RP9: variants seen among roughly 807,000 people sequenced by gnomAD.
RP9 encodes RP9 pre-mRNA splicing factor, also known as retinitis pigmentosa 9 protein.
A neutral mutation model predicts 32.6 loss-of-function variants in RP9; 23 were observed. The ratio of observed to expected loss-of-function variants is 0.71; its 90% CI spans 0.51 to 1.00. The LOEUF is 1.00. Ranked by LOEUF, RP9 falls within the 50% of genes least tolerant of loss-of-function variation. RP9 has a pLI of 0.00. For missense variants in RP9, 245 were observed against 285.3 expected (o/e 0.86, Z 1.02); for synonymous variants, 94 against 103.6 (o/e 0.91, Z 0.56).
At chr7:33,104,907 T>C (rs1386089459) in intron 1 of RP9, among the ~76,000 whole-genome samples, 1 of 152,204 alleles carries the variant, frequency 6.6e-6, no homozygotes, top group African/African-American at 2.4e-5. Context: ...CCTGTAATTT[T>C]ATACCTAGTC....
intron 1 of RP9, among the ~76,000 whole-genome samples, chr7:33,106,695 C>T (rs1262743417): frequency 4.6e-5 from 7 of 152,126 alleles, no homozygotes; most frequent in Non-Finnish European, 8.8e-5. Flanking sequence ...CCTATAATCC[C>T]AGCACTTTGG....
Position 33,095,141 on chromosome 7 carries a change from C to T in RP9, c.*93G>A, listed in dbSNP as rs1195910689. The stretch of plus-strand genomic sequence containing the variant: ...CTGTGACCCACATATACTCCTCTCT[C>T]GGCGTCTCTATCCTGCTGCTTTCTC... On this transcript the variant is annotated 3_prime_UTR_variant, in exon 6 of 6. Coordinates refer to ENST00000297157, the MANE Select transcript of RP9 (RefSeq NM_203288.2). The T allele has an allele frequency of 6.6e-5, 98 of 1,493,636 alleles. No homozygotes were observed. The highest frequency in any genetic ancestry group is 1.1e-4 in the East Asian group (5 of 44,126). The allele number at this position is 1,493,636 out of a possible 1,614,324, so 92.5% of individuals were successfully genotyped here.
At chr7:33,101,568 C>T (rs1039399428) in intron 1 of RP9, among the ~76,000 whole-genome samples, 2 of 151,188 alleles carry the variant, frequency 1.3e-5, no homozygotes, top group African/African-American at 4.9e-5. Context: ...CACCATTGCA[C>T]TCCAGCCTGG....
Position 33,099,048 on chromosome 7 carries a change from T to C in RP9, c.313+259A>G, listed in dbSNP as rs1353449518. On this transcript the variant is annotated intron_variant, in intron 3 of 5. Transcript: ENST00000297157. The stretch of plus-strand genomic sequence containing the variant: ...CTGGTTTTCTCATTCATTCTGTAGG[T>C]TGGAAATCTGAGATCAGGGTCCCAG... The C allele has an allele frequency of 4.3e-5, 24 of 557,258 alleles. No individual in the cohort carries two copies. The East Asian group carries it at 6.6e-4, about 15-fold the overall frequency. 34.5% of individuals were successfully genotyped at this position (557,258 alleles called of 1,614,324 possible).
intron 5 of RP9, 122 bp from the exon 6 acceptor site, chr7:33,095,554 ATT>A (rs1184040272): frequency 6.7e-6 from 10 of 1,493,692 alleles, no homozygotes; most frequent in African/African-American, 1.4e-5. Context: ...CAAAGACAGT[ATT>A]TTTATTTTTA....
At chr7:33,097,974 T>C (rs1208433070) in intron 3 of RP9, among the ~76,000 whole-genome samples, 10 of 152,216 alleles carry the variant, frequency 6.6e-5, no homozygotes, top group Non-Finnish European at 1.3e-4. Context: ...GAGTAAATGT[T>C]TTCATAAAGT....
At chr7:33,106,598 A>C (rs183405134) in intron 1 of RP9, among the ~76,000 whole-genome samples, 1 of 152,362 alleles carries the variant, frequency 6.6e-6, no homozygotes, top group East Asian at 1.9e-4. Flanking sequence ...ACAAGAAGTT[A>C]AGAGGTATGT....
intron 1 of RP9, among the ~76,000 whole-genome samples, chr7:33,107,196 C>A (rs768127621): frequency 1.3e-5 from 2 of 152,186 alleles, no homozygotes; most frequent in African/African-American, 4.8e-5. Flanking sequence ...AATGTCTCAA[C>A]GGCTCATTCA....
intron 3 of RP9, among the ~76,000 whole-genome samples, chr7:33,097,829 A>C (rs538875114): frequency 1.2e-3 from 189 of 152,230 alleles, no homozygotes; most frequent in African/African-American, 3.8e-3. Context: ...CATGTTGCCC[A>C]GGCTGGTCTT....
intron 3 of RP9, 93 bp from the exon 4 acceptor site, chr7:33,097,455 A>C (rs1261243564): frequency 1.1e-6 from 1 of 890,878 alleles, no homozygotes; most frequent in Non-Finnish European, 1.8e-6. Context: ...TTTCTTCATT[A>C]AACTCTAATT....
intron 2 of RP9, 40 bp downstream of exon 2, chr7:33,100,491 T>G: frequency 6.6e-7 from 1 of 1,525,950 alleles, no homozygotes; most frequent in South Asian, 1.1e-5. Context: ...TCTACAAGTA[T>G]GTCTTGTGGA....
At chr7:33,096,683 A>G in intron 4 of RP9, 129 bp from the exon 5 acceptor site, 2 of 749,064 alleles carry the variant, frequency 2.7e-6, no homozygotes, top group Non-Finnish European at 2.4e-6. Context: ...CATGTTCAAC[A>G]TGTTCTAGGT....
intron 1 of RP9, among the ~76,000 whole-genome samples, chr7:33,108,281 G>A (rs1254143642): frequency 6.6e-6 from 1 of 152,196 alleles, no homozygotes; most frequent in Admixed American, 6.5e-5. Context: ...TCACGGACAA[G>A]AACTGAAAGA....
chr7:33,095,247 G>C lies in RP9; in HGVS notation c.653C>G (p.Ser218Cys), dbSNP rs1788312895. The change falls in exon 6 of 6, where the codon TCT becomes TGT. Residue 218 changes from serine (S) to cysteine (C), a missense_variant. This residue lies in a region of RP9 where 63 missense variants were observed against 109.8 expected (regional missense o/e 0.57). Coordinates refer to ENST00000297157, the MANE Select transcript of RP9 (RefSeq NM_203288.2). ...GTCACATCCTTGTCACTCTGAGTCA[G>C]AACCCTCATTTGACTTGGAAGATTT... ...KHKSSKSNEG[S>C]DSE 1 of 1,611,072 alleles carries C rather than the reference G, an allele frequency of 6.2e-7. No homozygotes were observed.
At chr7:33,100,594 T>C (rs761220604) in intron 1 of RP9, 33 bp from the exon 2 acceptor site, 7 of 1,593,092 alleles carry the variant, frequency 4.4e-6, no homozygotes, top group South Asian at 1.1e-5. Context: ...TTATCAACCA[T>C]GTTAATGTAA....
chr7:33,095,009 G>A lies in RP9; in HGVS notation c.*225C>T. The A allele has an allele frequency of 1.8e-6, 1 of 565,690 alleles. No individual in the cohort carries two copies. Among genetic ancestry groups the A allele is most frequent in the Non-Finnish European group, 3.2e-6 (1 of 312,660 alleles). 35.0% of individuals were successfully genotyped at this position (565,690 alleles called of 1,614,324 possible). ...GACCAGCAGGGAGGACAACGATGAA[G>A]AAACTTTCCTGCCTAAAATCAGCTG... On this transcript the variant is annotated 3_prime_UTR_variant, in exon 6 of 6. Transcript: ENST00000297157.
At chr7:33,107,227 G>GA (rs1241139499) in intron 1 of RP9, among the ~76,000 whole-genome samples, 3 of 152,146 alleles carry the variant, frequency 2.0e-5, no homozygotes, top group Non-Finnish European at 2.9e-5. Context: ...TCAGAAACTG[G>GA]AAAAATCCCA....
intron 1 of RP9, among the ~76,000 whole-genome samples, chr7:33,104,150 GAT>G (rs1380925878): frequency 6.6e-6 from 1 of 152,046 alleles, no homozygotes; most frequent in Non-Finnish European, 1.5e-5. Flanking sequence ...AGACAGAAGA[GAT>G]AGAGCAACAG....
intron 4 of RP9, among the ~76,000 whole-genome samples, chr7:33,096,841 A>C (rs1375567521): frequency 6.6e-6 from 1 of 151,848 alleles, no homozygotes; most frequent in African/African-American, 2.4e-5. Flanking sequence ...TCAAAAACAA[A>C]GAAAAATACA....
Sources: allele counts gnomAD v4.1 joint callset (sites outside exome capture counted in the v4.1 genomes callset), GRCh38; gene constraint gnomAD v4.1.1; regional missense constraint gnomAD v4.1.1; transcripts MANE v1.5; gene names NCBI Gene and HGNC (gene_info 2026-07-23, HGNC 2026-07-21).